ITSN2: variants seen among roughly 807,000 people sequenced by gnomAD.
ITSN2 encodes intersectin 2.
ITSN2 carries 156 observed loss-of-function variants against 243.7 expected under a neutral mutation model. That is an observed-to-expected ratio of 0.64 (90% confidence interval 0.56 to 0.73). The LOEUF (loss-of-function observed/expected upper bound fraction) is 0.73. Among genes scored for constraint, ITSN2 ranks in the 30% least tolerant of loss-of-function variants. The pLI is 0.00. For synonymous variants in ITSN2, 703 were observed against 699.9 expected, an observed-to-expected ratio of 1.00 and a Z score of -0.07; for missense variants, 1,801 against 1,996.1, an observed-to-expected ratio of 0.90 and a Z score of 1.86.
At chr2:24,297,243 T>C (rs940434715) in intron 13 of ITSN2, among the ~76,000 whole-genome samples, 1 of 152,232 alleles carries the variant, frequency 6.6e-6, no homozygotes, top group African/African-American at 2.4e-5. Flanking sequence ...TGTTAGACTA[T>C]GATCACACAA....
intron 1 of ITSN2, among the ~76,000 whole-genome samples, chr2:24,350,327 T>C (rs764370047): frequency 1.3e-5 from 2 of 152,216 alleles, no homozygotes; most frequent in Non-Finnish European, 2.9e-5. Context: ...GGCTCACCAA[T>C]AGTATAAAAT....
intron 14 of ITSN2, 42 bp downstream of exon 14, chr2:24,295,622 A>G (rs1308444874): frequency 1.4e-6 from 2 of 1,438,120 alleles, no homozygotes; most frequent in Non-Finnish European, 1.8e-6. Flanking sequence ...AAGAACTATT[A>G]ATTGTACATG....
chr2:24,251,325 T>TTAAAAAAAAAAAA (rs1309605801), intron 25 of ITSN2, among the ~76,000 whole-genome samples: 3 of 3,394 alleles, frequency 8.8e-4, no homozygotes, highest in African/African-American at 2.6e-3. Flanking sequence ...AAAAAAAAAA[T>TTAAAAAAAAAAAA]AAAATATATA....
intron 15 of ITSN2, among the ~76,000 whole-genome samples, chr2:24,289,397 CTT>C (rs912124312): frequency 6.6e-6 from 1 of 152,028 alleles, no homozygotes; most frequent in Non-Finnish European, 1.5e-5. Context: ...TACTTGATCT[CTT>C]TTTTGAATAG....
intron 1 of ITSN2, among the ~76,000 whole-genome samples, chr2:24,347,481 G>A (rs1006942405): frequency 1.3e-5 from 2 of 152,198 alleles, no homozygotes; most frequent in African/African-American, 2.4e-5. Context: ...GAGGTCGGGA[G>A]TTCGAGACCA....
At chr2:24,358,534 T>G (rs1438892731) in intron 1 of ITSN2, among the ~76,000 whole-genome samples, 1 of 152,208 alleles carries the variant, frequency 6.6e-6, no homozygotes, top group Non-Finnish European at 1.5e-5. Context: ...AGCCAATATG[T>G]GACCCTTTTG....
intron 25 of ITSN2, among the ~76,000 whole-genome samples, chr2:24,251,168 T>C (rs185579634): frequency 2.1e-4 from 31 of 149,750 alleles, no homozygotes; most frequent in Non-Finnish European, 3.1e-4. Context: ...CCACTAAAAA[T>C]ACAAAAATTA....
chr2:24,334,987 C>T (rs1686195969), intron 1 of ITSN2: 1 of 286,846 alleles, frequency 3.5e-6, no homozygotes, highest in South Asian at 3.3e-5. Flanking sequence ...GGCGTGAACC[C>T]GGGAGGCGGA....
intron 2 of ITSN2, among the ~76,000 whole-genome samples, chr2:24,323,530 G>GT (rs1347157272): frequency 6.6e-6 from 1 of 152,198 alleles, no homozygotes; most frequent in African/African-American, 2.4e-5. Flanking sequence ...AGGCAGAACT[G>GT]TAAGGACAGA....
intron 1 of ITSN2, among the ~76,000 whole-genome samples, chr2:24,360,066 C>A (rs1158930621): frequency 1.3e-5 from 2 of 152,074 alleles, no homozygotes; most frequent in African/African-American, 4.8e-5. Flanking sequence ...GCCCAGGCCC[C>A]CTCGGCGTCT....
chr2:24,304,129 C>T (rs774295574), intron 8 of ITSN2, among the ~76,000 whole-genome samples: 10 of 152,192 alleles, frequency 6.6e-5, no homozygotes, highest in Non-Finnish European at 1.3e-4. Context: ...AAGTGGCTAA[C>T]GTGAAAGAAC....
intron 30 of ITSN2, 69 bp downstream of exon 30, chr2:24,220,876 T>G: frequency 6.6e-7 from 1 of 1,520,102 alleles, no homozygotes; most frequent in Non-Finnish European, 8.8e-7. Flanking sequence ...CAGCCCTGAG[T>G]CTGATGCCCA....
In ITSN2 at chr2:24,211,065, G is replaced by T; in HGVS notation, c.4090-118C>A. 2 of 931,308 alleles carry T rather than the reference G, an allele frequency of 2.1e-6. No homozygotes were observed. The highest frequency in any genetic ancestry group is 3.2e-6 in the Non-Finnish European group (2 of 615,618). 57.7% of individuals were successfully genotyped at this position (931,308 alleles called of 1,614,324 possible). The stretch of plus-strand genomic sequence containing the variant: ...TGGACTGCTTCCATGCCCTGGAAAC[G>T]CGGCGGTGAACAAGACGACACTTTC... On this transcript the variant is annotated intron_variant, in intron 33 of 39. Transcript: ENST00000355123. The surrounding 1 kb of genome is among the most constrained non-coding windows in gnomAD (Gnocchi z 4.1).
intron 30 of ITSN2, chr2:24,220,652 G>T: frequency 8.0e-7 from 1 of 1,250,534 alleles, no homozygotes. Flanking sequence ...CCTTGATGGG[G>T]CTCCTGCCAC....
At chr2:24,238,318 T>C (rs1041556636) in intron 29 of ITSN2, among the ~76,000 whole-genome samples, 1 of 152,232 alleles carries the variant, frequency 6.6e-6, no homozygotes, top group African/African-American at 2.4e-5. Flanking sequence ...CTTAGCCTTA[T>C]GTAAACACTT....
At chr2:24,223,435 G>A (rs1232655448) in intron 29 of ITSN2, among the ~76,000 whole-genome samples, 1 of 151,914 alleles carries the variant, frequency 6.6e-6, no homozygotes, top group East Asian at 1.9e-4. Flanking sequence ...TCCCAGCACT[G>A]TGGGAGGCTG....
intron 20 of ITSN2, among the ~76,000 whole-genome samples, chr2:24,267,326 T>C (rs1676778367): frequency 6.7e-6 from 1 of 150,064 alleles, no homozygotes; most frequent in African/African-American, 2.5e-5. Flanking sequence ...ATGGCACATG[T>C]ATACCTATGT....
At chr2:24,332,137 G>A (rs1480132152) in intron 1 of ITSN2, among the ~76,000 whole-genome samples, 1 of 152,218 alleles carries the variant, frequency 6.6e-6, no homozygotes. Context: ...AGCTACTTGG[G>A]TGGCTGCGGC....
chr2:24,354,017 C>G (rs946886226), intron 1 of ITSN2, among the ~76,000 whole-genome samples: 1 of 152,196 alleles, frequency 6.6e-6, no homozygotes, highest in Admixed American at 6.5e-5. Context: ...TATGTTCTTA[C>G]AATTTAAAAC....
Sources: allele counts gnomAD v4.1 joint callset (sites outside exome capture counted in the v4.1 genomes callset), GRCh38; gene constraint gnomAD v4.1.1; non-coding constraint Gnocchi (gnomAD v3.1); transcripts MANE v1.5; gene names NCBI Gene and HGNC (gene_info 2026-07-23, HGNC 2026-07-21).